The following MYO10 variants were observed in gnomAD, a reference collection of about 807,000 sequenced individuals.
MYO10 encodes the protein unconventional myosin-X.
MYO10 carries 133 observed loss-of-function variants against 257.3 expected under a neutral mutation model. That is an observed-to-expected ratio of 0.52 (90% CI 0.45 to 0.60). The LOEUF is 0.60. MYO10 is among the 20% of genes least tolerant of loss of function. The probability of loss-of-function intolerance (pLI) is 0.00; values close to 1 mark genes in which losing one functional copy is unlikely to be tolerated. For missense variants in MYO10, 2,399 were observed against 2,635.7 expected, an observed-to-expected ratio of 0.91 and a Z score of 1.97; for synonymous variants, 1,104 against 1,028.6, an observed-to-expected ratio of 1.07 and a Z score of -1.40.
intron 1 of MYO10, among the ~76,000 whole-genome samples, chr5:16,917,631 A>G (rs990943434): frequency 6.6e-6 from 1 of 151,544 alleles, no homozygotes; most frequent in Non-Finnish European, 1.5e-5. Context: ...AGAGGGGAGG[A>G]GAGGATCACT....
At chr5:16,839,895 G>C (rs75156997) in intron 2 of MYO10, among the ~76,000 whole-genome samples, 4,687 of 152,250 alleles carry the variant, frequency 0.031, 220 homozygotes, top group African/African-American at 0.11. Context: ...TCTTTGACTT[G>C]AGATATTTTA....
intron 2 of MYO10, among the ~76,000 whole-genome samples, chr5:16,870,672 C>CAG (rs1744428024): frequency 6.6e-6 from 1 of 152,102 alleles, no homozygotes; most frequent in Non-Finnish European, 1.5e-5. Context: ...GCGGGTGAAT[C>CAG]ATCTGAGGTT....
At chr5:16,785,149 C>T (rs956893400) in intron 4 of MYO10, among the ~76,000 whole-genome samples, 5 of 152,236 alleles carry the variant, frequency 3.3e-5, no homozygotes, top group Non-Finnish European at 7.3e-5. Context: ...AATCCACATC[C>T]CTGAAACTGC....
At chr5:16,849,942 T>C (rs955324785) in intron 2 of MYO10, among the ~76,000 whole-genome samples, 7 of 152,192 alleles carry the variant, frequency 4.6e-5, no homozygotes, top group African/African-American at 1.7e-4. Flanking sequence ...GCCAGCATAA[T>C]GAAAGCACAA....
At chr5:16,818,362 A>G (rs1408809408) in intron 2 of MYO10, among the ~76,000 whole-genome samples, 195 bp from the exon 3 acceptor site, 13 of 136,834 alleles carry the variant, frequency 9.5e-5, no homozygotes, top group East Asian at 2.2e-4. Flanking sequence ...GTGTGTATGT[A>G]TGTGTGTGTG....
intron 19 of MYO10, among the ~76,000 whole-genome samples, chr5:16,739,676 C>T (rs368789009): frequency 7.7e-4 from 116 of 150,886 alleles, no homozygotes; most frequent in African/African-American, 2.5e-3. Flanking sequence ...TGAAAAAATG[C>T]GAAAGAATGT....
At chr5:16,894,250 C>T (rs189055424) in intron 1 of MYO10, among the ~76,000 whole-genome samples, 1,729 of 152,254 alleles carry the variant, frequency 0.011, 34 homozygotes, top group African/African-American at 0.04. Flanking sequence ...TGGATGTAAT[C>T]GTCATGCTCC....
At chr5:16,676,342 C>T (rs529878714) in intron 33 of MYO10, among the ~76,000 whole-genome samples, 188 bp from the exon 34 acceptor site, 1 of 152,182 alleles carries the variant, frequency 6.6e-6, no homozygotes, top group Non-Finnish European at 1.5e-5. Context: ...TACATTCTTA[C>T]AGCTCATTTC....
In MYO10 at chr5:16,681,898, C is replaced by T; in HGVS notation, c.4162G>A (p.Val1388Met). ...LLQRSKGDTR[V>M]EGQEFIVRGW... ...CTCACGATGAATTCCTGGCCCTCCACTCTGGTGTCCCCTTTGGACCTCTGC... is the reference window on the plus strand; with the variant it reads ...CTCACGATGAATTCCTGGCCCTCCATTCTGGTGTCCCCTTTGGACCTCTGC... Residue 1388 changes from valine to methionine, a missense_variant, in exon 31 of 41, where the codon GTG (valine) becomes ATG (methionine). Physicochemically the swap from Val to Met is conservative, Grantham distance 21. Around this residue, in one of 3 missense-constraint regions of MYO10, gnomAD observed 1,820 missense variants for 1,939.4 expected, o/e 0.94. Transcript: ENST00000513610. The T allele has an allele frequency of 6.2e-7, 1 of 1,613,986 alleles. No individual in the cohort carries two copies. Among genetic ancestry groups the T allele is most frequent in the Admixed American group, 1.7e-5 (1 of 60,028 alleles).
At chr5:16,776,758 C>T (rs940610150) in intron 9 of MYO10, among the ~76,000 whole-genome samples, 3 of 152,188 alleles carry the variant, frequency 2.0e-5, no homozygotes, top group African/African-American at 7.2e-5. Context: ...CCCGAGAGAA[C>T]ACAGAGTACC....
intron 19 of MYO10, among the ~76,000 whole-genome samples, chr5:16,712,886 C>T (rs1220986264): frequency 1.3e-5 from 2 of 152,146 alleles, no homozygotes; most frequent in Admixed American, 6.6e-5. Context: ...GTAAGAAAAG[C>T]ATAAAAATAT....
At chr5:16,671,654 G>A (rs1736469553) in intron 37 of MYO10, 112 bp from the exon 38 acceptor site, 7 of 1,345,164 alleles carry the variant, frequency 5.2e-6, no homozygotes, top group African/African-American at 1.5e-5. Context: ...TTCTGTCCGG[G>A]CCCAGAAAAC....
intron 19 of MYO10, among the ~76,000 whole-genome samples, chr5:16,712,356 G>A (rs1738658329): frequency 6.6e-6 from 1 of 152,126 alleles, no homozygotes; most frequent in Non-Finnish European, 1.5e-5. Context: ...CTGGCACTGG[G>A]GCCAGGACAA....
chr5:16,886,151 C>T (rs939888825), intron 1 of MYO10, among the ~76,000 whole-genome samples: 3 of 152,126 alleles, frequency 2.0e-5, no homozygotes, highest in East Asian at 1.9e-4. Context: ...GGAACACAGG[C>T]GGTTTTTAGG....
At chr5:16,818,422 A>ATG (rs1742704316) in intron 2 of MYO10, among the ~76,000 whole-genome samples, 7 of 149,076 alleles carry the variant, frequency 4.7e-5, no homozygotes, top group African/African-American at 1.7e-4. Flanking sequence ...ATATATATAT[A>ATG]TATACACATA....
chr5:16,718,333 T>C (rs951632160), intron 19 of MYO10, among the ~76,000 whole-genome samples: 6 of 152,228 alleles, frequency 3.9e-5, no homozygotes, highest in Admixed American at 2.6e-4. Context: ...GGCTAAGGAA[T>C]GCGAGCGCAC....
chr5:16,918,111 C>T (rs953456954), intron 1 of MYO10, among the ~76,000 whole-genome samples: 1 of 152,178 alleles, frequency 6.6e-6, no homozygotes. Context: ...CTTTTAAAGT[C>T]TCACACTACT....
intron 1 of MYO10, among the ~76,000 whole-genome samples, chr5:16,901,343 C>A (rs2126784566): frequency 6.6e-6 from 1 of 152,264 alleles, no homozygotes; most frequent in Non-Finnish European, 1.5e-5. Flanking sequence ...GCCCTCCCTG[C>A]CAGACCACCC....
At chr5:16,776,572 C>A (rs1741219289) in intron 9 of MYO10, among the ~76,000 whole-genome samples, 1 of 152,174 alleles carries the variant, frequency 6.6e-6, no homozygotes. Flanking sequence ...GTATAAATTT[C>A]TCTTCCTTTC....
Sources: gnomAD v4.1 joint callset for allele counts (sites outside exome capture counted in the v4.1 genomes callset) on GRCh38, gnomAD v4.1.1 for gene constraint, gnomAD v4.1.1 regional missense constraint, MANE v1.5 for transcripts, NCBI Gene and HGNC (gene_info 2026-07-23, HGNC 2026-07-21) for gene names.